PRKG1: variants seen among roughly 807,000 people sequenced by gnomAD.
PRKG1 encodes the protein protein kinase cGMP-dependent 1, also known as cGMP-dependent protein kinase 1.
Under a neutral mutation model 88.1 loss-of-function variants are expected in PRKG1, and 35 were observed. The observed-to-expected ratio is 0.40, with a 90% CI of 0.30 to 0.53. The LOEUF (loss-of-function observed/expected upper bound fraction) is 0.53. PRKG1 is among the 20% of genes least tolerant of loss of function. The pLI is 0.59. For synonymous variants in PRKG1, 303 were observed against 292.5 expected (o/e 1.04, Z -0.37); for missense variants, 540 against 839.8 (o/e 0.64, Z 4.41).
At chr10:52,235,428 G>T (rs1220857375) in intron 9 of PRKG1, among the ~76,000 whole-genome samples, 70 of 141,220 alleles carry the variant, frequency 5.0e-4, no homozygotes, top group African/African-American at 1.7e-3. Context: ...CCCATCTCAC[G>T]TGCAGAGACA....
intron 3 of PRKG1, among the ~76,000 whole-genome samples, chr10:51,742,435 A>G (rs1837458754): frequency 1.3e-5 from 2 of 152,244 alleles, no homozygotes; most frequent in South Asian, 2.1e-4. Context: ...AACATGAGTT[A>G]AGACACTTGT....
intron 1 of PRKG1, among the ~76,000 whole-genome samples, chr10:51,081,728 T>G (rs866620713): frequency 3.9e-5 from 6 of 152,322 alleles, no homozygotes; most frequent in Admixed American, 2.6e-4. Context: ...CTGTGCTTTA[T>G]ATAGATTGTC....
upstream of PRKG1, among the ~76,000 whole-genome samples, chr10:51,070,840 G>A (rs1243608828): frequency 6.6e-6 from 1 of 152,178 alleles, no homozygotes; most frequent in African/African-American, 2.4e-5. Flanking sequence ...TTCTATTAAA[G>A]TTATGAAAAA....
chr10:51,047,817 G>A (rs1843509761), intron 1 of PRKG1, among the ~76,000 whole-genome samples: 1 of 151,938 alleles, frequency 6.6e-6, no homozygotes. Flanking sequence ...ATACCAAGAA[G>A]GTCAAGAGTA....
chr10:52,254,675 A>C (rs1841265594), intron 10 of PRKG1, among the ~76,000 whole-genome samples: 1 of 152,032 alleles, frequency 6.6e-6, no homozygotes, highest in Non-Finnish European at 1.5e-5. Context: ...CCCTTCACAG[A>C]CTTTTTAGCA....
intron 2 of PRKG1, among the ~76,000 whole-genome samples, chr10:51,204,014 A>G (rs1484890421): frequency 1.3e-5 from 2 of 152,190 alleles, no homozygotes; most frequent in African/African-American, 4.8e-5. Context: ...AGGAAAGAAA[A>G]GATTTATTGG....
At chr10:51,621,038 C>CTA (rs1444493769) in intron 3 of PRKG1, among the ~76,000 whole-genome samples, 1 of 56,428 alleles carries the variant, frequency 1.8e-5, no homozygotes, top group Non-Finnish European at 4.8e-5. Context: ...TATATGACTC[C>CTA]TATATATGTG....
At chr10:51,458,171 T>C (rs915993210) in intron 2 of PRKG1, among the ~76,000 whole-genome samples, 1 of 152,196 alleles carries the variant, frequency 6.6e-6, no homozygotes, top group Non-Finnish European at 1.5e-5. Context: ...CAAGCGCAGA[T>C]ATTTTAAACT....
At chr10:50,998,738 A>G (rs1243703111) in intron 1 of PRKG1, among the ~76,000 whole-genome samples, 2 of 137,754 alleles carry the variant, frequency 1.5e-5, no homozygotes, top group Admixed American at 7.9e-5. Context: ...ACAAAATGAC[A>G]GAGACTCCAT....
chr10:51,127,581 C>G (rs532739417), intron 1 of PRKG1, among the ~76,000 whole-genome samples: 6 of 152,114 alleles, frequency 3.9e-5, no homozygotes, highest in African/African-American at 1.4e-4. Context: ...CCAGCAATAC[C>G]ATTTGACCAA....
chr10:51,993,441 A>G (rs1397349344), intron 5 of PRKG1, among the ~76,000 whole-genome samples: 5 of 152,148 alleles, frequency 3.3e-5, no homozygotes, highest in African/African-American at 1.2e-4. Flanking sequence ...AAAAGCCCCC[A>G]CTTATTGAGC....
intron 2 of PRKG1, among the ~76,000 whole-genome samples, chr10:51,371,249 T>C (rs1237996584): frequency 6.6e-6 from 1 of 151,962 alleles, no homozygotes; most frequent in East Asian, 1.9e-4. Context: ...TTTAAAATGA[T>C]GATCATGCCA....
chr10:51,428,311 T>C (rs1247096884), intron 2 of PRKG1, among the ~76,000 whole-genome samples: 1 of 152,198 alleles, frequency 6.6e-6, no homozygotes, highest in Non-Finnish European at 1.5e-5. Context: ...ATGAGTTAAC[T>C]CTTATTCCCT....
At chr10:51,807,901 A>T (rs373909918) in intron 4 of PRKG1, among the ~76,000 whole-genome samples, 21 of 152,298 alleles carry the variant, frequency 1.4e-4, no homozygotes, top group Admixed American at 6.5e-4. Context: ...AGCCAGAGAC[A>T]GGAGGCAGGA....
At chr10:51,611,929 C>T (rs2132245927) in intron 3 of PRKG1, among the ~76,000 whole-genome samples, 1 of 152,110 alleles carries the variant, frequency 6.6e-6, no homozygotes, top group African/African-American at 2.4e-5. Flanking sequence ...ATGGCTTTGT[C>T]AAAGATCAGT....
chr10:51,324,648 G>A (rs1841540573), intron 2 of PRKG1, among the ~76,000 whole-genome samples: 1 of 152,076 alleles, frequency 6.6e-6, no homozygotes, highest in Non-Finnish European at 1.5e-5. Flanking sequence ...GGCTGAGGCA[G>A]GACAATGGCG....
At chr10:51,698,430 C>T (rs1333215472) in intron 3 of PRKG1, 1 of 1,614,050 alleles carries the variant, frequency 6.2e-7, no homozygotes, top group South Asian at 1.1e-5. Context: ...GAGGAAGGGC[C>T]ACGAGTGTCA....
chr10:51,991,780 T>C (rs1023811252), intron 5 of PRKG1, among the ~76,000 whole-genome samples: 14 of 152,208 alleles, frequency 9.2e-5, no homozygotes, highest in Non-Finnish European at 1.6e-4. Context: ...CAGTCTATCA[T>C]TGATGGACAT....
rs34873454 is a variant in PRKG1 at position 51,907,844 on chromosome 10, G to T, written c.762+274G>T. The T allele has an allele frequency of 0.27, 88,075 of 324,012 alleles. 12,391 individuals are homozygous for T. Among genetic ancestry groups the T allele is most frequent in the Admixed American group, 0.35 (7,070 of 20,446 alleles). The allele number at this position is 324,012 out of a possible 1,614,324, so 20.1% of individuals were successfully genotyped here. On this transcript the variant is annotated intron_variant, in intron 5 of 17. Transcript: ENST00000373980. ...ACTTTGACTTACTAGAATAGGAACT[G>T]GCATATTTCTCTTATTTTAACTAGT...
Sources: gnomAD v4.1 joint callset for allele counts (sites outside exome capture counted in the v4.1 genomes callset) on GRCh38, gnomAD v4.1.1 for gene constraint, MANE v1.5 for transcripts, NCBI Gene and HGNC (gene_info 2026-07-23, HGNC 2026-07-21) for gene names.